Variants in AFF2 observed in about 807,000 individuals in gnomAD.
The protein encoded by AFF2 is ALF transcription elongation factor 2.
A neutral mutation model predicts 76.9 loss-of-function variants in AFF2; 14 were observed. The observed-to-expected ratio is 0.18, with a 90% CI of 0.12 to 0.28. The LOEUF (loss-of-function observed/expected upper bound fraction) is 0.28, where lower values mean the gene tolerates loss of function less well. AFF2 is among the 10% of genes least tolerant of loss of function. The pLI is 1.00. For synonymous variants in AFF2, 398 were observed against 366.7 expected (o/e 1.09, Z -0.98); for missense variants, 868 against 1,001.1 (o/e 0.87, Z 1.79).
At chrX:148,812,741 A>G (rs2070219600) in intron 4 of AFF2, among the ~76,000 whole-genome samples, 1 of 111,100 alleles carries the variant, frequency 9.0e-6, no homozygotes, top group Admixed American at 9.6e-5. Flanking sequence ...CCCCACTCTC[A>G]GCCCCTCAAT....
chrX:148,837,615 T>C, intron 4 of AFF2, 32 bp from the exon 5 acceptor site: 1 of 936,101 alleles, frequency 1.1e-6, no homozygotes, highest in Non-Finnish European at 1.5e-6. Context: ...TTAATTGCCC[T>C]GAAATAAAGT....
chrX:148,646,494 C>T (rs1477217119), intron 1 of AFF2, among the ~76,000 whole-genome samples: 5 of 111,176 alleles, frequency 4.5e-5, no homozygotes, highest in Non-Finnish European at 7.5e-5. Flanking sequence ...TGAGGTAGTC[C>T]CAAGATGCTC....
chrX:148,837,852 C>G lies in AFF2; in HGVS notation c.1173+119C>G, dbSNP rs375240169. On this transcript the variant is annotated intron_variant, in intron 5 of 20. Transcript: ENST00000370460. ...TCTAGTGCCATAAAATCTAGACTCT[C>G]TTGCCCCTCAGAATAGCAATATAAA... 3,350 of 471,063 alleles carry G rather than the reference C, an allele frequency of 7.1e-3. 11 individuals are homozygous for G. Among genetic ancestry groups the G allele is most frequent in the Non-Finnish European group, 0.01 (2,732 of 269,550 alleles). 38.8% of individuals were successfully genotyped at this position (471,063 alleles called of 1,213,427 possible). A position where few individuals can be genotyped will look rare whatever the true frequency, so the allele number is the denominator to read the frequency against.
chrX:148,651,478 T>A (rs1477338960), intron 1 of AFF2, among the ~76,000 whole-genome samples: 1 of 112,160 alleles, frequency 8.9e-6, no homozygotes, highest in Non-Finnish European at 1.9e-5. Context: ...TATTTTTTTG[T>A]GGACTTCTGA....
chrX:148,693,596 T>A (rs782153127), intron 3 of AFF2, among the ~76,000 whole-genome samples: 7 of 112,395 alleles, frequency 6.2e-5, no homozygotes, highest in African/African-American at 2.3e-4. Context: ...GATATATGCT[T>A]CTTTTGCTTA....
intron 16 of AFF2, among the ~76,000 whole-genome samples, chrX:148,975,292 A>G (rs782662113): frequency 8.0e-5 from 9 of 112,220 alleles, no homozygotes; most frequent in Non-Finnish European, 1.1e-4. Context: ...AATCGGTATG[A>G]TGTTCAATTT....
chrX:148,865,183 G>A (rs943128509), intron 7 of AFF2, among the ~76,000 whole-genome samples: 1 of 112,247 alleles, frequency 8.9e-6, no homozygotes, highest in Non-Finnish European at 1.9e-5. Flanking sequence ...CAATGAGTGT[G>A]TTTGTTTACT....
chrX:148,753,267 G>C (rs782793107), intron 3 of AFF2, among the ~76,000 whole-genome samples: 1 of 112,190 alleles, frequency 8.9e-6, no homozygotes, highest in South Asian at 3.7e-4. Context: ...AGCTGCCTCT[G>C]GGTATCGATA....
intron 7 of AFF2, among the ~76,000 whole-genome samples, chrX:148,862,480 G>C (rs1557276495): frequency 8.9e-6 from 1 of 111,742 alleles, no homozygotes; most frequent in Non-Finnish European, 1.9e-5. Flanking sequence ...ACAATCCAGA[G>C]TCTAAAGGAA....
At chrX:148,629,291 A>G (rs1361960387) in intron 1 of AFF2, among the ~76,000 whole-genome samples, 1 of 111,819 alleles carries the variant, frequency 8.9e-6, no homozygotes, top group Non-Finnish European at 1.9e-5. Context: ...ATGGAACAGC[A>G]ACAGACATGC....
intron 1 of AFF2, among the ~76,000 whole-genome samples, chrX:148,649,330 C>T (rs1410702449): frequency 3.6e-5 from 4 of 111,995 alleles, no homozygotes; most frequent in East Asian, 2.8e-4. Flanking sequence ...AAATCAGTGA[C>T]GTTATAGACT....
At chrX:148,753,567 A>G (rs1467365179) in intron 3 of AFF2, among the ~76,000 whole-genome samples, 1 of 112,064 alleles carries the variant, frequency 8.9e-6, no homozygotes, top group South Asian at 3.7e-4. Flanking sequence ...TTTTTCATGT[A>G]ATAGCTTTTC....
chrX:148,558,769 C>T (rs782161538), intron 1 of AFF2, among the ~76,000 whole-genome samples: 5 of 111,749 alleles, frequency 4.5e-5, no homozygotes, highest in Admixed American at 3.8e-4. Context: ...ACTGATTTAC[C>T]AGTGCCAAAT....
chrX:148,965,871 T>G (rs782696426), intron 13 of AFF2, among the ~76,000 whole-genome samples: 1 of 111,238 alleles, frequency 9.0e-6, no homozygotes, highest in South Asian at 3.9e-4. Flanking sequence ...AGATACCAAT[T>G]CAGAAGAGCA....
At chrX:148,752,672 C>A (rs1189872458) in intron 3 of AFF2, among the ~76,000 whole-genome samples, 1 of 111,603 alleles carries the variant, frequency 9.0e-6, no homozygotes, top group African/African-American at 3.3e-5. Context: ...TTAATTTAAC[C>A]TTTGTGGCAG....
At chrX:148,952,392 G>A (rs192046082) in intron 9 of AFF2, among the ~76,000 whole-genome samples, 64 of 111,508 alleles carry the variant, frequency 5.7e-4, no homozygotes, top group African/African-American at 2.0e-3. Flanking sequence ...AGCAAGTCAG[G>A]TTGCTGCTGC....
At chrX:148,692,595 A>G (rs1279475903) in intron 3 of AFF2, among the ~76,000 whole-genome samples, 4 of 112,297 alleles carry the variant, frequency 3.6e-5, no homozygotes, top group Non-Finnish European at 7.5e-5. Flanking sequence ...ATTTTTATAA[A>G]TCATGTACTA....
At chrX:148,863,198 A>G (rs1247659938) in intron 7 of AFF2, among the ~76,000 whole-genome samples, 2 of 112,040 alleles carry the variant, frequency 1.8e-5, no homozygotes, top group African/African-American at 6.5e-5. Context: ...TATTTTATGT[A>G]TGGTGTTAGA....
chrX:148,785,599 T>C (rs1211468640), intron 3 of AFF2, among the ~76,000 whole-genome samples: 1 of 111,494 alleles, frequency 9.0e-6, no homozygotes, highest in Non-Finnish European at 1.9e-5. Context: ...AGGTATGCTA[T>C]AGATATGTTC....
Sources: allele counts gnomAD v4.1 joint callset (sites outside exome capture counted in the v4.1 genomes callset), GRCh38; gene constraint gnomAD v4.1.1; transcripts MANE v1.5; gene names NCBI Gene and HGNC (gene_info 2026-07-23, HGNC 2026-07-21).